The following ALOX5AP variants were observed in gnomAD, a reference collection of about 807,000 sequenced individuals.
ALOX5AP encodes the protein arachidonate 5-lipoxygenase-activating protein.
In ALOX5AP, 9 loss-of-function variants were observed where a neutral mutation model predicts 18.5. The ratio of observed to expected loss-of-function variants is 0.49; its 90% CI spans 0.29 to 0.85. ALOX5AP has a LOEUF of 0.85. ALOX5AP is among the 40% of genes least tolerant of loss of function. The pLI is 0.08. For synonymous variants in ALOX5AP, 81 were observed against 78.6 expected, an observed-to-expected ratio of 1.03 and a Z score of -0.16; for missense variants, 172 against 202.5, an observed-to-expected ratio of 0.85 and a Z score of 0.91.
At chr13:30,722,834 C>T (rs919623073) in intron 1 of ALOX5AP, among the ~76,000 whole-genome samples, 4 of 152,144 alleles carry the variant, frequency 2.6e-5, no homozygotes, top group African/African-American at 9.7e-5. Flanking sequence ...GATCCTTCCA[C>T]CCCTCTCTCA....
chr13:30,721,431 TTAAG>T (rs368606002), intron 1 of ALOX5AP, among the ~76,000 whole-genome samples: 69 of 152,308 alleles, frequency 4.5e-4, no homozygotes, highest in African/African-American at 1.6e-3. Context: ...ATCTGTTTTT[TTAAG>T]TGAGAAATCT....
intron 4 of ALOX5AP, among the ~76,000 whole-genome samples, chr13:30,758,625 C>T (rs1951916127): frequency 6.6e-6 from 1 of 152,176 alleles, no homozygotes; most frequent in Non-Finnish European, 1.5e-5. Context: ...TTTTAATGCC[C>T]TCTAGAAGTT....
At chr13:30,722,473 T>C (rs1951601831) in intron 1 of ALOX5AP, among the ~76,000 whole-genome samples, 1 of 152,200 alleles carries the variant, frequency 6.6e-6, no homozygotes. Flanking sequence ...TAACACTAAC[T>C]GGGTCTATTG....
At chr13:30,720,739 A>T (rs1265177939) in intron 1 of ALOX5AP, among the ~76,000 whole-genome samples, 1 of 152,232 alleles carries the variant, frequency 6.6e-6, no homozygotes, top group Non-Finnish European at 1.5e-5. Flanking sequence ...GAAGGAACTT[A>T]ACTTTTGAAT....
At chr13:30,716,312 G>A (rs1485160100) in intron 1 of ALOX5AP, among the ~76,000 whole-genome samples, 2 of 152,160 alleles carry the variant, frequency 1.3e-5, no homozygotes, top group African/African-American at 4.8e-5. Flanking sequence ...TGTAGCCTGG[G>A]CATGAGGATA....
chr13:30,730,222 G>C (rs1212424537), intron 1 of ALOX5AP, among the ~76,000 whole-genome samples: 2 of 152,218 alleles, frequency 1.3e-5, no homozygotes, highest in African/African-American at 2.4e-5. Flanking sequence ...TTCAGCTATA[G>C]AATGGCATGA....
chr13:30,743,950 T>G (rs1951787763), intron 1 of ALOX5AP, 110 bp from the exon 2 acceptor site: 1 of 811,828 alleles, frequency 1.2e-6, no homozygotes, highest in African/African-American at 1.7e-5. Context: ...ACATTTAGGG[T>G]TGCTTGGAGG....
At chr13:30,732,398 G>A (rs190861695), upstream of ALOX5AP, among the ~76,000 whole-genome samples, 6 of 152,322 alleles carry the variant, frequency 3.9e-5, no homozygotes, top group South Asian at 4.1e-4. Context: ...AGACAGAAGC[G>A]TGTAGGATAG....
chr13:30,752,218 C>A, intron 3 of ALOX5AP, 96 bp downstream of exon 3: 2 of 1,274,646 alleles, frequency 1.6e-6, no homozygotes, highest in Non-Finnish European at 2.3e-6. Context: ...TTTGCCTGAC[C>A]TCTGGCTCCC....
At chr13:30,741,102 CCTTTTTTTTTT>C (rs1951759236) in intron 1 of ALOX5AP, among the ~76,000 whole-genome samples, 1 of 92,214 alleles carries the variant, frequency 1.1e-5, no homozygotes, top group African/African-American at 3.5e-5. Context: ...TCCTCCATAT[CCTTTTTTTTTT>C]TTTTTTTTTT....
At chr13:30,753,169 C>A (rs994056871) in intron 3 of ALOX5AP, among the ~76,000 whole-genome samples, 4 of 152,162 alleles carry the variant, frequency 2.6e-5, no homozygotes, top group Admixed American at 1.3e-4. Flanking sequence ...TGGGAAGCGC[C>A]ATATGGGAAG....
Position 30,764,287 on chromosome 13 carries a change from C to T in ALOX5AP, c.*181C>T, listed in dbSNP as rs922984913. The stretch of plus-strand genomic sequence containing the variant: ...CAAAATGATGTCATGTCAGCTCCGC[C>T]CCTTGAACATGACCGTGGCCCCAAA... On this transcript the variant is annotated 3_prime_UTR_variant, in exon 5 of 5. Coordinates refer to ENST00000380490, the MANE Select transcript of ALOX5AP (RefSeq NM_001629.4). 7 of 612,630 alleles carry T rather than the reference C, an allele frequency of 1.1e-5. No homozygotes were observed. The highest frequency in any genetic ancestry group is 1.6e-5 in the Non-Finnish European group (6 of 376,574). 37.9% of individuals were successfully genotyped at this position (612,630 alleles called of 1,614,324 possible).
intron 1 of ALOX5AP, among the ~76,000 whole-genome samples, chr13:30,727,662 A>G (rs1951649301): frequency 6.6e-6 from 1 of 152,152 alleles, no homozygotes; most frequent in Admixed American, 6.5e-5. Flanking sequence ...GTGAGTTCAC[A>G]GCTGTTCCAG....
At chr13:30,727,842 C>T (rs191513525) in intron 1 of ALOX5AP, among the ~76,000 whole-genome samples, 257 of 152,214 alleles carry the variant, frequency 1.7e-3, no homozygotes, top group African/African-American at 5.8e-3. Context: ...CTCAGTCTTG[C>T]GGGTTTTGGG....
chr13:30,748,586 C>T (rs934495745), intron 2 of ALOX5AP, among the ~76,000 whole-genome samples: 26 of 152,028 alleles, frequency 1.7e-4, no homozygotes, highest in Non-Finnish European at 2.1e-4. Flanking sequence ...GAAAAAATAG[C>T]GCAAAATTTC....
intron 1 of ALOX5AP, among the ~76,000 whole-genome samples, chr13:30,722,884 T>C (rs1172230108): frequency 6.6e-6 from 1 of 152,232 alleles, no homozygotes; most frequent in Non-Finnish European, 1.5e-5. Context: ...CTCTACAAGC[T>C]CTTCACCTCC....
intron 1 of ALOX5AP, among the ~76,000 whole-genome samples, chr13:30,717,815 T>C (rs1326133055): frequency 6.6e-6 from 1 of 152,046 alleles, no homozygotes; most frequent in Non-Finnish European, 1.5e-5. Flanking sequence ...ACCCACATTC[T>C]TTCCCCAGAG....
chr13:30,717,768 A>G (rs923873159), intron 1 of ALOX5AP, among the ~76,000 whole-genome samples: 25 of 151,972 alleles, frequency 1.6e-4, no homozygotes, highest in African/African-American at 5.8e-4. Flanking sequence ...CAGCTCCCCA[A>G]CCCAGTCCTC....
At chr13:30,745,640 G>A (rs17245491) in intron 2 of ALOX5AP, among the ~76,000 whole-genome samples, 82 of 152,354 alleles carry the variant, frequency 5.4e-4, no homozygotes, top group African/African-American at 1.8e-3. Context: ...AATTTAAGAT[G>A]TTTAAAGGTG....
Sources: gnomAD v4.1 joint callset for allele counts (sites outside exome capture counted in the v4.1 genomes callset) on GRCh38, gnomAD v4.1.1 for gene constraint, MANE v1.5 for transcripts, NCBI Gene and HGNC (gene_info 2026-07-23, HGNC 2026-07-21) for gene names.